The following SNX1 variants were observed in gnomAD, a reference collection of about 807,000 sequenced individuals.
The protein encoded by SNX1 is sorting nexin 1, also known as sorting nexin-1.
Under a neutral mutation model 71.8 loss-of-function variants are expected in SNX1, and 36 were observed. The ratio of observed to expected loss-of-function variants is 0.50; its 90% CI spans 0.38 to 0.66. The LOEUF is 0.66. Ranked by LOEUF, SNX1 falls within the 30% of genes least tolerant of loss-of-function variation. The pLI is 0.00. For synonymous variants in SNX1, 254 were observed against 240.7 expected, an observed-to-expected ratio of 1.06 and a Z score of -0.51; for missense variants, 612 against 646.7, an observed-to-expected ratio of 0.95 and a Z score of 0.58.
intron 6 of SNX1, among the ~76,000 whole-genome samples, chr15:64,126,840 A>G (rs1341406924): frequency 6.6e-6 from 1 of 152,182 alleles, no homozygotes; most frequent in African/African-American, 2.4e-5. Context: ...GGCCTCCCAA[A>G]GTGCTGGGAT....
intron 5 of SNX1, among the ~76,000 whole-genome samples, chr15:64,125,569 C>T (rs563238739): frequency 1.3e-5 from 2 of 151,590 alleles, no homozygotes; most frequent in Admixed American, 1.3e-4. Context: ...CGCTTAAGCC[C>T]AGGAGTTTGA....
intron 1 of SNX1, among the ~76,000 whole-genome samples, chr15:64,103,428 ATAT>A (rs1276966128): frequency 6.6e-6 from 1 of 152,006 alleles, no homozygotes; most frequent in Non-Finnish European, 1.5e-5. Flanking sequence ...TTGCTATTAT[ATAT>A]TCTTTTACAT....
At chr15:64,131,596 G>T (rs978728650) in intron 10 of SNX1, 91 bp from the exon 11 acceptor site, 17 of 1,217,164 alleles carry the variant, frequency 1.4e-5, no homozygotes, top group African/African-American at 6.0e-5. Context: ...GCAGTGGGCG[G>T]CATTGCTAAG....
In SNX1 at chr15:64,129,338, A is replaced by T. The variant is rs1219984482; in HGVS notation, c.808-578A>T. On this transcript the variant is annotated intron_variant, in intron 8 of 14. Transcript: ENST00000559844. This position sits in a 1 kb window ranked among gnomAD's most constrained non-coding sequence, Gnocchi z 4.4. ...GTGCTGTATATGCTATAGATTTTTC[A>T]GCGTCCTTTCCATGCCCTAGGAGAG... Among the ~76,000 whole-genome samples the T allele has an allele frequency of 6.6e-6, 1 of 152,132 alleles. No homozygotes were observed. Among genetic ancestry groups the T allele is most frequent in the Non-Finnish European group, 1.5e-5 (1 of 68,034 alleles).
chr15:64,106,118 C>T (rs891934294), intron 1 of SNX1, among the ~76,000 whole-genome samples: 1 of 152,076 alleles, frequency 6.6e-6, no homozygotes, highest in African/African-American at 2.4e-5. Flanking sequence ...ACCATAATCT[C>T]ATATAAAAAT....
rs942788711 is a variant in SNX1 at position 64,129,198 on chromosome 15, G to C, written c.808-718G>C. Among the ~76,000 whole-genome samples the C allele has an allele frequency of 2.6e-5, 4 of 151,212 alleles. No individual in the cohort carries two copies. The highest frequency in any genetic ancestry group is 9.7e-5 in the African/African-American group (4 of 41,042). ...GGAGGCAGAGGTTGCCGTGAGCTGA[G>C]ATCGTGCCACTGCACTCCAGCCTGG... On this transcript the variant is annotated intron_variant, in intron 8 of 14. Transcript: ENST00000559844. This position sits in a 1 kb window ranked among gnomAD's most constrained non-coding sequence, Gnocchi z 4.4.
At chr15:64,119,869 C>A (rs971457052) in intron 4 of SNX1, among the ~76,000 whole-genome samples, 2 of 152,084 alleles carry the variant, frequency 1.3e-5, no homozygotes, top group Non-Finnish European at 2.9e-5. Flanking sequence ...GGACACTGAA[C>A]TTATTTTTTC....
chr15:64,133,631 G>A (rs1818250882), intron 11 of SNX1, among the ~76,000 whole-genome samples: 1 of 152,254 alleles, frequency 6.6e-6, no homozygotes, highest in African/African-American at 2.4e-5. Flanking sequence ...TCAGGAGGCT[G>A]AGGCAGGAGA....
At chr15:64,103,423 A>G (rs942551814) in intron 1 of SNX1, among the ~76,000 whole-genome samples, 1 of 152,040 alleles carries the variant, frequency 6.6e-6, no homozygotes, top group Admixed American at 6.6e-5. Flanking sequence ...TTGGATTGCT[A>G]TTATATATTC....
At chr15:64,128,974 C>T (rs1457020070) in intron 8 of SNX1, among the ~76,000 whole-genome samples, 9 of 152,298 alleles carry the variant, frequency 5.9e-5, no homozygotes, top group South Asian at 2.1e-4. Context: ...AGGCCAGGCG[C>T]GGTGGCTCTT....
At chr15:64,130,114 T>C in intron 9 of SNX1, 85 bp downstream of exon 9, 1 of 1,471,166 alleles carries the variant, frequency 6.8e-7, no homozygotes, top group Middle Eastern at 1.7e-4. Flanking sequence ...TTTCTGAGAT[T>C]AGAAACTTTT....
rs1268005965 is a variant in SNX1, at chr15:64,142,670, A to G, written c.*5052A>G. ...CTATTTAAGCCAAGTTTTTTTAGAT[A>G]AAAGGTATGGAACCTGCTTTCCCCT... is the stretch of plus-strand genomic sequence containing the variant. On this transcript the variant is annotated 3_prime_UTR_variant, in exon 15 of 15. Coordinates refer to ENST00000559844, the MANE Select transcript of SNX1 (RefSeq NM_003099.5). 4.4e-6 allele frequency: 2 copies of G among 455,918 alleles called. No homozygotes were observed. Among genetic ancestry groups the G allele is most frequent in the African/African-American group, 4.0e-5 (2 of 50,044 alleles). The allele number at this position is 455,918 out of a possible 1,614,324, so 28.2% of individuals were successfully genotyped here.
chr15:64,114,319 C>T (rs1193442420), intron 2 of SNX1, among the ~76,000 whole-genome samples: 1 of 151,968 alleles, frequency 6.6e-6, no homozygotes, highest in East Asian at 1.9e-4. Context: ...AAAGGGAAAT[C>T]AACAAAATCT....
At chr15:64,105,092 A>G (rs1451749732) in intron 1 of SNX1, among the ~76,000 whole-genome samples, 1 of 151,156 alleles carries the variant, frequency 6.6e-6, no homozygotes. Context: ...AAAATTAGCC[A>G]GGCGTGGTGG....
Position 64,137,683 on chromosome 15 carries a change from T to G in SNX1, c.*65T>G. 6.2e-7 allele frequency: 1 copy of G among 1,610,434 alleles called. No homozygotes were observed. The highest frequency in any genetic ancestry group is 2.2e-5 in the East Asian group (1 of 44,796). On this transcript the variant is annotated 3_prime_UTR_variant, in exon 15 of 15. Transcript: ENST00000559844. ...TTTTTATACACTGTCCTCCTCCACC[T>G]TGATGGACCCCTAGTGATGCATCCT...
At chr15:64,103,514 G>A (rs1242454109) in intron 1 of SNX1, among the ~76,000 whole-genome samples, 1 of 152,090 alleles carries the variant, frequency 6.6e-6, no homozygotes, top group Non-Finnish European at 1.5e-5. Context: ...AGATTATATG[G>A]TAATTTCTTC....
chr15:64,098,581 T>A (rs2080926297), intron 1 of SNX1, among the ~76,000 whole-genome samples: 1 of 149,962 alleles, frequency 6.7e-6, no homozygotes, highest in African/African-American at 2.5e-5. Context: ...TAATCCCAGC[T>A]AGGGAGGCTG....
At chr15:64,113,770 G>A (rs2081101320) in intron 2 of SNX1, among the ~76,000 whole-genome samples, 1 of 152,102 alleles carries the variant, frequency 6.6e-6, no homozygotes, top group Non-Finnish European at 1.5e-5. Flanking sequence ...GCAGTGAGCT[G>A]AGATTGTGCT....
rs533312798 is a variant in SNX1, at chr15:64,141,164, G to GC, written c.*3551dup. The GC allele has an allele frequency of 6.6e-6, 1 of 152,176 alleles. No individual in the cohort carries two copies. The highest frequency in any genetic ancestry group is 1.9e-4 in the East Asian group (1 of 5,198). The allele number at this position is 152,176 out of a possible 1,614,324, so 9.4% of individuals were successfully genotyped here. ...CAGCCCTGTAGGTTTATTCCAGTCTGCCCCCTTTTCCATGTTGTTAACTCT... is the reference window on the plus strand; with the variant it reads ...CAGCCCTGTAGGTTTATTCCAGTCTGCCCCCCTTTTCCATGTTGTTAACTCT... On this transcript the variant is annotated 3_prime_UTR_variant, in exon 15 of 15. Coordinates refer to ENST00000559844, the MANE Select transcript of SNX1 (RefSeq NM_003099.5). The surrounding 1 kb of genome is among the most constrained non-coding windows in gnomAD (Gnocchi z 5.1).
Sources: allele counts gnomAD v4.1 joint callset (sites outside exome capture counted in the v4.1 genomes callset), GRCh38; gene constraint gnomAD v4.1.1; non-coding constraint Gnocchi (gnomAD v3.1); transcripts MANE v1.5; gene names NCBI Gene and HGNC (gene_info 2026-07-23, HGNC 2026-07-21).